The following SSX1 variants were observed in gnomAD, a reference collection of about 807,000 sequenced individuals.
The protein encoded by SSX1 is SSX family member 1.
SSX1 carries 58 observed loss-of-function variants against 14.6 expected under a neutral mutation model. That is an observed-to-expected ratio of 3.96 (90% CI 3.21 to 4.93). The LOEUF (loss-of-function observed/expected upper bound fraction) is 4.93. Ranked by LOEUF, SSX1 falls within the 30% of genes most tolerant of loss-of-function variation. The probability of loss-of-function intolerance (pLI) is 0.00; values close to 1 mark genes in which losing one functional copy is unlikely to be tolerated. For missense variants in SSX1, 272 were observed against 143.1 expected (o/e 1.90, Z -4.60); for synonymous variants, 46 against 52.1 (o/e 0.88, Z 0.50).
chrX:48,262,490 G>T (rs1313854393), intron 5 of SSX1, among the ~76,000 whole-genome samples: 1 of 111,737 alleles, frequency 8.9e-6, no homozygotes, highest in Non-Finnish European at 1.9e-5. Flanking sequence ...CTCTGTTACC[G>T]GGGCCACTCC....
rs782059118 is a variant in SSX1, at chrX:48,258,534, A to G, written c.185-2A>G. 19 of 1,201,397 alleles carry G rather than the reference A, an allele frequency of 1.6e-5. No individual in the cohort carries two copies. Among genetic ancestry groups the G allele is most frequent in the Non-Finnish European group, 2.0e-5 (18 of 887,347 alleles). On this transcript the variant is annotated splice_acceptor_variant, in intron 3 of 7. Coordinates refer to ENST00000376919, the MANE Select transcript of SSX1 (RefSeq NM_005635.4). LOFTEE classifies it high-confidence loss of function. Reference sequence around the variant, plus strand: ...AGGAATAAACATTTTGCTTCTTTCTAGGTTTCAAAGTCACCCTCCCACCTT... The same window carrying G: ...AGGAATAAACATTTTGCTTCTTTCTGGGTTTCAAAGTCACCCTCCCACCTT...
intron 1 of SSX1, among the ~76,000 whole-genome samples, chrX:48,256,510 A>C (rs2059582715): frequency 1.4e-5 from 1 of 71,283 alleles, no homozygotes; most frequent in Non-Finnish European, 2.5e-5. Context: ...TATGTTTCCC[A>C]GGCTGGTCTC....
chrX:48,262,182 C>T (rs1216430423), intron 5 of SSX1, among the ~76,000 whole-genome samples: 1 of 112,102 alleles, frequency 8.9e-6, no homozygotes, highest in African/African-American at 3.2e-5. Context: ...GTTATCGGAG[C>T]TCCAGATTCC....
chrX:48,264,253 G>A (rs1366054942), intron 6 of SSX1, among the ~76,000 whole-genome samples: 5 of 112,129 alleles, frequency 4.5e-5, no homozygotes, highest in Non-Finnish European at 9.4e-5. Flanking sequence ...GTGCTCAAGC[G>A]ATTCTATCTG....
intron 6 of SSX1, 108 bp downstream of exon 6, chrX:48,264,025 GCTGA>G: frequency 1.8e-6 from 2 of 1,107,776 alleles, no homozygotes; most frequent in South Asian, 2.2e-5. Flanking sequence ...TCCAGGCTGG[GCTGA>G]AGAGCTCGCC....
Position 48,266,957 on chromosome X carries a change from G to A in SSX1, c.*108G>A. On this transcript the variant is annotated 3_prime_UTR_variant, in exon 8 of 8. Transcript: ENST00000376919. ...CCTCGTCATCAGGTGCATAGCAAGT[G>A]AAAGCAAGTGTTCACAACGGTGAAA... is the stretch of plus-strand genomic sequence containing the variant. The A allele has an allele frequency of 1.1e-6, 1 of 875,272 alleles. No homozygotes were observed. Among genetic ancestry groups the A allele is most frequent in the Non-Finnish European group, 1.6e-6 (1 of 610,293 alleles). 72.1% of individuals were successfully genotyped at this position (875,272 alleles called of 1,213,427 possible).
At position 48,257,878 on chromosome X, in the gene SSX1, G is replaced by A; in HGVS notation, c.184+18G>A. The A allele has an allele frequency of 9.6e-7, 1 of 1,044,275 alleles. No individual in the cohort carries two copies. The highest frequency in any genetic ancestry group is 1.3e-6 in the Non-Finnish European group (1 of 753,943). 86.1% of individuals were successfully genotyped at this position (1,044,275 alleles called of 1,213,427 possible). A position where few individuals can be genotyped will look rare whatever the true frequency, so the allele number is the denominator to read the frequency against. On this transcript the variant is annotated intron_variant, in intron 3 of 7. Coordinates refer to ENST00000376919, the MANE Select transcript of SSX1 (RefSeq NM_005635.4). ...TAAACTAGGTAACAGAAAGTTCTAG[G>A]AACAGACAAGTCTGGGGATACATGA...
At chrX:48,258,338 A>G (rs1601946073) in intron 3 of SSX1, among the ~76,000 whole-genome samples, 198 bp from the exon 4 acceptor site, 2 of 107,790 alleles carry the variant, frequency 1.9e-5, no homozygotes, top group Non-Finnish European at 3.8e-5. Context: ...ATATGAGCAC[A>G]TGCCTCCATG....
chrX:48,267,437 A>G lies in SSX1; in HGVS notation c.*588A>G, dbSNP rs1556936738. On this transcript the variant is annotated 3_prime_UTR_variant, in exon 8 of 8. Transcript: ENST00000376919. ...TCACTGACAGTTAATAAACCTTTGCAAACGTTCCCCAGTTGTTTGTTCCTC... is the reference window on the plus strand; with the variant it reads ...TCACTGACAGTTAATAAACCTTTGCGAACGTTCCCCAGTTGTTTGTTCCTC... 6.5e-6 allele frequency: 1 copy of G among 152,882 alleles called. No homozygotes were observed. Among genetic ancestry groups the G allele is most frequent in the Non-Finnish European group, 1.3e-5 (1 of 77,888 alleles). 12.6% of individuals were successfully genotyped at this position (152,882 alleles called of 1,213,427 possible).
At chrX:48,255,944 G>A (rs2059579484) in intron 1 of SSX1, among the ~76,000 whole-genome samples, 1 of 102,914 alleles carries the variant, frequency 9.7e-6, no homozygotes, top group African/African-American at 3.6e-5. Flanking sequence ...ATGTTGGCCA[G>A]GCTGGCCTCA....
At chrX:48,262,192 C>T (rs2059606391) in intron 5 of SSX1, among the ~76,000 whole-genome samples, 1 of 112,117 alleles carries the variant, frequency 8.9e-6, no homozygotes, top group South Asian at 3.7e-4. Context: ...CTCCAGATTC[C>T]TAGTCCATGA....
At chrX:48,257,380 G>A in intron 2 of SSX1, 70 bp downstream of exon 2, 1 of 1,189,220 alleles carries the variant, frequency 8.4e-7, no homozygotes, top group South Asian at 1.8e-5. Context: ...TTCTGAGGAG[G>A]GGAGGACAGA....
chrX:48,265,306 T>A (rs2059619082), intron 6 of SSX1, among the ~76,000 whole-genome samples: 1 of 112,498 alleles, frequency 8.9e-6, no homozygotes, highest in African/African-American at 3.2e-5. Context: ...TGTCTCGGCT[T>A]TCAGCATGCC....
chrX:48,257,382 G>A (rs1240342079), intron 2 of SSX1, 72 bp downstream of exon 2: 2 of 1,183,824 alleles, frequency 1.7e-6, no homozygotes, highest in African/African-American at 3.6e-5. Flanking sequence ...CTGAGGAGGG[G>A]AGGACAGAGG....
chrX:48,262,769 C>G (rs782413755), intron 5 of SSX1, among the ~76,000 whole-genome samples: 1 of 111,916 alleles, frequency 8.9e-6, no homozygotes, highest in South Asian at 3.7e-4. Context: ...TGTTTACAAG[C>G]TCAGAGAGGA....
rs369314836 is a variant in SSX1 at position 48,257,860 on chromosome X, G to A, written c.184G>A (p.Gly62Ser). ...KRNYKAMTKL[G>S]FKVTLPPFMC... ...AAACTATAAGGCCATGACTAAACTAGGTAACAGAAAGTTCTAGGAACAGAC... is the reference window on the plus strand; with the variant it reads ...AAACTATAAGGCCATGACTAAACTAAGTAACAGAAAGTTCTAGGAACAGAC... Residue 62 changes from glycine (G) to serine (S), a missense_variant and splice_region_variant, in exon 3 of 8, where the codon GGT becomes AGT. Physicochemically the swap from Gly to Ser is moderately conservative, Grantham distance 56. Coordinates refer to ENST00000376919, the MANE Select transcript of SSX1 (RefSeq NM_005635.4). The A allele has an allele frequency of 1.9e-5, 22 of 1,143,080 alleles. No individual in the cohort carries two copies. Among genetic ancestry groups the A allele is most frequent in the African/African-American group, 7.2e-5 (4 of 55,428 alleles). 94.2% of individuals were successfully genotyped at this position (1,143,080 alleles called of 1,213,427 possible). A position where few individuals can be genotyped will look rare whatever the true frequency, so the allele number is the denominator to read the frequency against.
intron 5 of SSX1, 130 bp downstream of exon 5, chrX:48,261,945 A>C: frequency 1.3e-6 from 1 of 748,671 alleles, no homozygotes. Flanking sequence ...ACAACAACTT[A>C]TGTAGCACCG....
At chrX:48,257,701 C>A in intron 2 of SSX1, 45 bp from the exon 3 acceptor site, 1 of 1,165,262 alleles carries the variant, frequency 8.6e-7, no homozygotes, top group African/African-American at 1.8e-5. Flanking sequence ...GAATGGCAGA[C>A]ATACCTAGCT....
In SSX1 at chrX:48,263,904, T is replaced by C. The variant is rs781976876; in HGVS notation, c.453T>C (p.Ile151=). 3.3e-6 allele frequency: 4 copies of C among 1,209,220 alleles called. No homozygotes were observed. In the East Asian group the frequency reaches 1.2e-4, roughly 36 times the overall value. ...GAAAAGCAAATATTTCTGAGAAGAT[T>C]AATAAGAGATCTGGTAAGAGGAAAT... is the stretch of plus-strand genomic sequence containing the variant. ...PPGKANISEK[I]NKRSGPKRGK... is the part of the protein sequence containing the mutation. The change falls in exon 6 of 8, where the codon ATT becomes ATC. Residue 151 remains isoleucine, a synonymous_variant. Transcript: ENST00000376919.
Sources: gnomAD v4.1 joint callset for allele counts (sites outside exome capture counted in the v4.1 genomes callset) on GRCh38, gnomAD v4.1.1 for gene constraint, MANE v1.5 for transcripts, NCBI Gene and HGNC (gene_info 2026-07-23, HGNC 2026-07-21) for gene names.